Variants in RHOT2 observed in about 807,000 individuals in gnomAD.
The protein encoded by RHOT2 is mitochondrial Rho GTPase 2.
RHOT2 carries 90 observed loss-of-function variants against 81.6 expected under a neutral mutation model. That is an observed-to-expected ratio of 1.10 (90% CI 0.93 to 1.31). The LOEUF (loss-of-function observed/expected upper bound fraction) is 1.31. RHOT2 is among the 40% of genes most tolerant of loss of function. The pLI is 0.00. For missense variants in RHOT2, 1,014 were observed against 841.9 expected, an observed-to-expected ratio of 1.20 and a Z score of -2.53; for synonymous variants, 512 against 370.9, an observed-to-expected ratio of 1.38 and a Z score of -4.37.
intron 3 of RHOT2, 39 bp downstream of exon 3, chr16:668,608 G>C (rs761246983): frequency 1.3e-5 from 21 of 1,609,320 alleles, no homozygotes; most frequent in Non-Finnish European, 1.7e-5. Flanking sequence ...GCCCGCAGCG[G>C]TCCGGCGGGC....
chr16:670,616 G>A, intron 8 of RHOT2, 59 bp downstream of exon 8: 1 of 1,601,726 alleles, frequency 6.2e-7, no homozygotes. Context: ...GGTGCTGGGT[G>A]GGGCGGTGTG....
rs1287634970 is a variant in RHOT2 at position 672,116 on chromosome 16, T to C, written c.1130T>C (p.Leu377Pro). The C allele has an allele frequency of 6.2e-7, 1 of 1,610,970 alleles. No individual in the cohort carries two copies. The highest frequency in any genetic ancestry group is 1.3e-5 in the African/African-American group (1 of 74,350). ...LVTYLDVRSC[L>P]GHLGYLGYPT... ...ACCTACCTGGACGTCCGGAGCTGCCTTGGACACCTAGGCTACCTGGGCTAC... is the reference window on the plus strand; with the variant it reads ...ACCTACCTGGACGTCCGGAGCTGCCCTGGACACCTAGGCTACCTGGGCTAC... Residue 377 changes from leucine to proline, a missense_variant, in exon 14 of 19, where the codon CTT becomes CCT. Coordinates refer to ENST00000315082, the MANE Select transcript of RHOT2 (RefSeq NM_138769.3).
Position 671,761 on chromosome 16 carries a change from G to A in RHOT2, c.934G>A (p.Val312Met), listed in dbSNP as rs1357974049. ...NHLGYQFVQR[V>M]FEKHDQDRDG... ...CCTTGGCTACCAGTTTGTGCAGAGA[G>A]TGTTTGAGAAGCACGACCAGGTGAG... The change falls in exon 12 of 19, where the codon GTG (valine) becomes ATG (methionine). Residue 312 changes from valine to methionine, a missense_variant. Coordinates refer to ENST00000315082, the MANE Select transcript of RHOT2 (RefSeq NM_138769.3). 3 of 1,612,432 alleles carry A rather than the reference G, an allele frequency of 1.9e-6. No individual in the cohort carries two copies. Among genetic ancestry groups the A allele is most frequent in the East Asian group, 4.5e-5 (2 of 44,852 alleles).
At chr16:671,259 C>T (rs149019337) in intron 11 of RHOT2, 56 bp downstream of exon 11, 31 of 1,502,964 alleles carry the variant, frequency 2.1e-5, no homozygotes, top group Non-Finnish European at 2.4e-5. Context: ...AGCTGACTGC[C>T]GACTATCTCT....
Position 668,247 on chromosome 16 carries a change from GC to G in RHOT2, c.37+14del, listed in dbSNP as rs764670177. On this transcript the variant is annotated intron_variant, in intron 1 of 18. Coordinates refer to ENST00000315082, the MANE Select transcript of RHOT2 (RefSeq NM_138769.3). ...TGTTACTGGGCGAGGGTAGGCGCCG[GC>G]CCGGGGGTCTCGGAGCTGCGGCGGC... 7.9e-6 allele frequency: 6 copies of G among 760,814 alleles called. No individual in the cohort carries two copies. The highest frequency in any genetic ancestry group is 3.0e-5 in the South Asian group (1 of 32,814). 47.1% of individuals were successfully genotyped at this position (760,814 alleles called of 1,614,324 possible).
chr16:668,675 G>C lies in RHOT2; in HGVS notation c.198G>C (p.Glu66Asp). The change falls in exon 4 of 19, where the codon GAG becomes GAC. Residue 66 changes from glutamate (E) to aspartate (D), a missense_variant. Transcript: ENST00000315082. ...VDYSEAEQTD[E>D]ELREEIHKAN... ...CCCTAGAAGCCGAGCAGACGGACGA[G>C]GAGCTGCGGGAGGAGATCCACAAGG... 1 of 1,604,332 alleles carries C rather than the reference G, an allele frequency of 6.2e-7. No homozygotes were observed. The highest frequency in any genetic ancestry group is 8.5e-7 in the Non-Finnish European group (1 of 1,176,550).
intron 4 of RHOT2, 32 bp downstream of exon 4, chr16:668,731 T>C (rs1483620612): frequency 6.4e-7 from 1 of 1,568,902 alleles, no homozygotes; most frequent in Non-Finnish European, 8.6e-7. Context: ...AGGGAGGGGC[T>C]GGGCGCGGGC....
Position 668,430 on chromosome 16 carries a change from G to A in RHOT2, c.96+19G>A, listed in dbSNP as rs2038288397. The A allele has an allele frequency of 1.3e-6, 2 of 1,547,310 alleles. No individual in the cohort carries two copies. Among genetic ancestry groups the A allele is most frequent in the Non-Finnish European group, 1.7e-6 (2 of 1,150,604 alleles). On this transcript the variant is annotated intron_variant, in intron 2 of 18. Coordinates refer to ENST00000315082, the MANE Select transcript of RHOT2 (RefSeq NM_138769.3). The stretch of plus-strand genomic sequence containing the variant: ...CGAGGAGGTAAGGGGCACGCCCGCC[G>A]CGGGGGTGGGAGCGGGCCCAGCCGG...
At chr16:669,374 C>T in intron 4 of RHOT2, 179 bp from the exon 5 acceptor site, 1 of 636,896 alleles carries the variant, frequency 1.6e-6, no homozygotes, top group South Asian at 1.8e-5. Context: ...GCCTGCTCTG[C>T]CAACACCAGG....
intron 11 of RHOT2, 42 bp downstream of exon 11, chr16:671,245 C>CA: frequency 3.3e-6 from 5 of 1,513,220 alleles, no homozygotes; most frequent in Non-Finnish European, 4.4e-6. Flanking sequence ...CCCCGAGGGT[C>CA]AGGAGCTGAC....
Position 673,956 on chromosome 16 carries a change from C to A in RHOT2, c.*350C>A, listed in dbSNP as rs1163895855. ...CAGACCCAGAATTCTCAGGGCTCTA[C>A]CCCCCTTTCCTGGTCCTAGGTGGCC... On this transcript the variant is annotated 3_prime_UTR_variant, in exon 19 of 19. Coordinates refer to ENST00000315082, the MANE Select transcript of RHOT2 (RefSeq NM_138769.3). 2.0e-6 allele frequency: 1 copy of A among 502,294 alleles called. No homozygotes were observed. The highest frequency in any genetic ancestry group is 3.9e-6 in the Non-Finnish European group (1 of 259,608). 31.1% of individuals were successfully genotyped at this position (502,294 alleles called of 1,614,324 possible).
chr16:669,652 T>G (rs762747164), intron 5 of RHOT2, 46 bp downstream of exon 5: 18 of 1,594,154 alleles, frequency 1.1e-5, no homozygotes, highest in Non-Finnish European at 1.5e-5. Flanking sequence ...CAGTGGCCGG[T>G]GGTGGCCCAG....
rs2039332790 is a variant in RHOT2, at chr16:673,678, A to G, written c.*72A>G. On this transcript the variant is annotated 3_prime_UTR_variant, in exon 19 of 19. Transcript: ENST00000315082. ...TGCTGGGGCTCTGCAGGGGCAGCAC[A>G]GCTGGGGTGCAGGCCAGGCTGCCAC... 9.7e-6 allele frequency: 15 copies of G among 1,539,620 alleles called. No homozygotes were observed. Among genetic ancestry groups the G allele is most frequent in the Non-Finnish European group, 1.3e-5 (15 of 1,143,664 alleles).
At chr16:671,420 G>GCC in intron 11 of RHOT2, 2 of 520,644 alleles carry the variant, frequency 3.8e-6, no homozygotes, top group Non-Finnish European at 6.8e-6. Flanking sequence ...GGGTGGGGGG[G>GCC]CTGGCCCTTT....
At chr16:672,671 G>C (rs781610323) in intron 16 of RHOT2, 32 bp from the exon 17 acceptor site, 2 of 1,611,460 alleles carry the variant, frequency 1.2e-6, no homozygotes, top group Admixed American at 3.3e-5. Flanking sequence ...CCGAGCCCCA[G>C]GGACCCTTCC....
At chr16:669,306 G>A in intron 4 of RHOT2, 1 of 573,068 alleles carries the variant, frequency 1.7e-6, no homozygotes, top group Non-Finnish European at 3.1e-6. Context: ...CTGGCAGTGG[G>A]CGGGGAAGAG....
intron 11 of RHOT2, among the ~76,000 whole-genome samples, chr16:671,469 TC>T (rs1391524832): frequency 3.3e-5 from 5 of 152,076 alleles, no homozygotes; most frequent in African/African-American, 1.2e-4. Flanking sequence ...CCTGCTGGGG[TC>T]GGCAGCTTGG....
In RHOT2 at chr16:671,977, C is replaced by T. The variant is rs778335233; in HGVS notation, c.1072C>T (p.Leu358=). The T allele has an allele frequency of 6.8e-6, 11 of 1,612,048 alleles. No homozygotes were observed. In the Admixed American group the frequency reaches 1.3e-4, roughly 20 times the overall value. The change falls in exon 13 of 19, where the codon CTG becomes TTG. Residue 358 remains leucine, a synonymous_variant. Coordinates refer to ENST00000315082, the MANE Select transcript of RHOT2 (RefSeq NM_138769.3). ...TVRTEAGRLP[L]HGYLCQWTLV... ...CCGCACAGAGGCCGGCCGGTTGCCC[C>T]TGCACGGATACCTCTGCCAGTGGAC... is the stretch of plus-strand genomic sequence containing the variant.
At chr16:671,570 G>A (rs890141505) in intron 11 of RHOT2, 127 bp from the exon 12 acceptor site, 19 of 1,047,234 alleles carry the variant, frequency 1.8e-5, no homozygotes, top group African/African-American at 1.4e-4. Flanking sequence ...GGTCGGGGGC[G>A]TACAGGAGCC....
Sources: gnomAD v4.1 joint callset for allele counts (sites outside exome capture counted in the v4.1 genomes callset) on GRCh38, gnomAD v4.1.1 for gene constraint, MANE v1.5 for transcripts, NCBI Gene and HGNC (gene_info 2026-07-23, HGNC 2026-07-21) for gene names.